ETFBKMT: variants seen among roughly 807,000 people sequenced by gnomAD.
The protein encoded by ETFBKMT is electron transfer flavoprotein beta subunit lysine methyltransferase.
A neutral mutation model predicts 18.3 loss-of-function variants in ETFBKMT; 13 were observed. The ratio of observed to expected loss-of-function variants is 0.71; its 90% CI spans 0.46 to 1.13. The LOEUF (loss-of-function observed/expected upper bound fraction) is 1.13. Among genes scored for constraint, ETFBKMT ranks in the 50% most tolerant of loss-of-function variants. The probability of loss-of-function intolerance (pLI) is 0.00; values close to 1 mark genes in which losing one functional copy is unlikely to be tolerated. For missense variants in ETFBKMT, 293 were observed against 306.2 expected (o/e 0.96, Z 0.32); for synonymous variants, 84 against 107.9 (o/e 0.78, Z 1.37).
At chr12:31,658,998 C>T (rs760437948), upstream of ETFBKMT, among the ~76,000 whole-genome samples, 5 of 148,468 alleles carry the variant, frequency 3.4e-5, no homozygotes, top group Non-Finnish European at 5.9e-5. Flanking sequence ...CCTGGAAGTG[C>T]GACTGGCACA....
Position 31,661,944 on chromosome 12 carries a change from G to A in ETFBKMT, c.-10G>A. On this transcript the variant is annotated 5_prime_UTR_variant, in exon 2 of 4. Coordinates refer to ENST00000357721, the MANE Select transcript of ETFBKMT (RefSeq NM_001135863.2). ...AACATTGACAGAACCTGTGTTTGGG[G>A]AAAGGACTGATGGCTTTGAGTCTAG... 6.2e-7 allele frequency: 1 copy of A among 1,611,372 alleles called. No homozygotes were observed.
intron 3 of ETFBKMT, among the ~76,000 whole-genome samples, chr12:31,666,436 T>C (rs2139629601): frequency 6.6e-6 from 1 of 152,214 alleles, no homozygotes; most frequent in South Asian, 2.1e-4. Flanking sequence ...ACATCCAGAG[T>C]AAGCACTTAT....
At chr12:31,663,274 G>A (rs1951151238) in intron 2 of ETFBKMT, among the ~76,000 whole-genome samples, 1 of 152,082 alleles carries the variant, frequency 6.6e-6, no homozygotes, top group East Asian at 1.9e-4. Flanking sequence ...TGTATTTTTA[G>A]TAGAGATGGG....
chr12:31,649,387 T>C (rs1237617786), intron 1 of ETFBKMT, among the ~76,000 whole-genome samples: 1 of 152,238 alleles, frequency 6.6e-6, no homozygotes, highest in Admixed American at 6.5e-5. Flanking sequence ...CACAAAGGAC[T>C]GCATATGATT....
At chr12:31,666,999 CTTTT>C (rs1212726747) in intron 3 of ETFBKMT, among the ~76,000 whole-genome samples, 1 of 135,030 alleles carries the variant, frequency 7.4e-6, no homozygotes. Context: ...CTTTTTTTTT[CTTTT>C]TTTTTTTTTG....
At chr12:31,663,787 G>A (rs926737246) in intron 2 of ETFBKMT, among the ~76,000 whole-genome samples, 4 of 151,996 alleles carry the variant, frequency 2.6e-5, no homozygotes, top group South Asian at 2.1e-4. Flanking sequence ...TTTGTTTTTC[G>A]TAAGTGAATT....
chr12:31,652,322 C>T (rs909703337), intron 1 of ETFBKMT, among the ~76,000 whole-genome samples: 2 of 152,116 alleles, frequency 1.3e-5, no homozygotes, highest in Non-Finnish European at 2.9e-5. Context: ...ATTTTCCTGG[C>T]GCCTGACGAC....
rs1481644678 is a variant in ETFBKMT, at chr12:31,667,692, A to C, written c.491A>C (p.Asn164Thr). ...ITLNCELNRL[N>T]PFPILIQNIL... Reference sequence around the variant, plus strand: ...CTAAATTGTGAATTGAACAGACTGAATCCTTTTCCTATTTTAATCCAAAAC... The same window carrying C: ...CTAAATTGTGAATTGAACAGACTGACTCCTTTTCCTATTTTAATCCAAAAC... Residue 164 changes from asparagine to threonine, a missense_variant, in exon 4 of 4, where the codon AAT (asparagine) becomes ACT (threonine). Physicochemically the swap from Asn to Thr is moderately conservative, Grantham distance 65. Transcript: ENST00000357721. 6.2e-7 allele frequency: 1 copy of C among 1,614,014 alleles called. No individual in the cohort carries two copies. The highest frequency in any genetic ancestry group is 1.7e-5 in the Admixed American group (1 of 59,994).
chr12:31,671,332 C>T lies in ETFBKMT; in HGVS notation c.*3342C>T, dbSNP rs566089868. On this transcript the variant is annotated 3_prime_UTR_variant, in exon 4 of 4. Transcript: ENST00000357721. ...ACAAGAAATGGAGTTGAATAAGTAC[C>T]CCCCAACATATACAAGAAAGTTAGC... is the stretch of plus-strand genomic sequence containing the variant. The T allele has an allele frequency of 2.6e-5, 4 of 152,102 alleles. No homozygotes were observed. The highest frequency in any genetic ancestry group is 9.6e-5 in the African/African-American group (4 of 41,466). 9.4% of individuals were successfully genotyped at this position (152,102 alleles called of 1,614,324 possible). A position where few individuals can be genotyped will look rare whatever the true frequency, so the allele number is the denominator to read the frequency against.
At chr12:31,654,769 G>C (rs886600792), upstream of ETFBKMT, among the ~76,000 whole-genome samples, 59 of 152,114 alleles carry the variant, frequency 3.9e-4, no homozygotes, top group African/African-American at 1.4e-3. Flanking sequence ...GAAGGGAGAA[G>C]GACTGGACGG....
intron 1 of ETFBKMT, chr12:31,660,023 C>G (rs898313728): frequency 6.7e-6 from 1 of 149,816 alleles, no homozygotes; most frequent in Non-Finnish European, 1.5e-5. Context: ...AAAAATTAGC[C>G]GGGCGTGGTG....
chr12:31,649,700 G>C, intron 1 of ETFBKMT, among the ~76,000 whole-genome samples: 1 of 151,470 alleles, frequency 6.6e-6, no homozygotes, highest in East Asian at 1.9e-4. Context: ...TGTTTCTATT[G>C]TAATTGTTTT....
intron 1 of ETFBKMT, 65 bp from the exon 2 acceptor site, chr12:31,661,776 T>C (rs1951127423): frequency 3.1e-6 from 2 of 635,250 alleles, no homozygotes; most frequent in Admixed American, 5.9e-5. Context: ...TCTTATTATG[T>C]AATAGGATCT....
intron 1 of ETFBKMT, among the ~76,000 whole-genome samples, chr12:31,661,245 A>G (rs1344071573): frequency 6.6e-6 from 1 of 152,214 alleles, no homozygotes; most frequent in Admixed American, 6.5e-5. Context: ...TCACTTGAGG[A>G]TACTGAAGGA....
At chr12:31,662,387 CT>C (rs1271363190) in intron 2 of ETFBKMT, 120 bp downstream of exon 2, 5 of 856,568 alleles carry the variant, frequency 5.8e-6, no homozygotes, top group Non-Finnish European at 8.8e-6. Flanking sequence ...AGTCTCAGTA[CT>C]TTGGGAGGCT....
intron 1 of ETFBKMT, among the ~76,000 whole-genome samples, chr12:31,648,164 T>G (rs1044342527): frequency 6.6e-6 from 1 of 152,210 alleles, no homozygotes; most frequent in African/African-American, 2.4e-5. Context: ...GTACTGAATA[T>G]TCACATAATG....
rs1951222641 is a variant in ETFBKMT at position 31,668,172 on chromosome 12, T to C, written c.*182T>C. 6 of 570,448 alleles carry C rather than the reference T, an allele frequency of 1.1e-5. No individual in the cohort carries two copies. Among genetic ancestry groups the C allele is most frequent in the Non-Finnish European group, 1.8e-5 (6 of 330,488 alleles). 35.3% of individuals were successfully genotyped at this position (570,448 alleles called of 1,614,324 possible). On this transcript the variant is annotated 3_prime_UTR_variant, in exon 4 of 4. Transcript: ENST00000357721. Reference sequence around the variant, plus strand: ...TGTCATGTAACTGGTTCTGTATTTCTATGCATGCCAATTATACACATCTCT... The same window carrying C: ...TGTCATGTAACTGGTTCTGTATTTCCATGCATGCCAATTATACACATCTCT...
Position 31,667,784 on chromosome 12 carries a change from C to G in ETFBKMT, c.583C>G (p.Leu195Val), listed in dbSNP as rs11051523. The G allele has an allele frequency of 3.5e-3, 5,630 of 1,614,018 alleles. 16 individuals carry two copies. Among genetic ancestry groups the G allele is most frequent in the Non-Finnish European group, 4.1e-3 (4,842 of 1,179,932 alleles). The change falls in exon 4 of 4, where the codon CTT (leucine) becomes GTT (valine). Residue 195 changes from leucine to valine, a missense_variant. Coordinates refer to ENST00000357721, the MANE Select transcript of ETFBKMT (RefSeq NM_001135863.2). ...TGGCGATATGTTTTATGATGAAGAC[C>G]TTGCAGATAGTCTTCATCAGTGGCT... ...VLGDMFYDED[L>V]ADSLHQWLKK...
At chr12:31,656,174 T>G (rs955121817), upstream of ETFBKMT, among the ~76,000 whole-genome samples, 7 of 152,144 alleles carry the variant, frequency 4.6e-5, no homozygotes, top group Non-Finnish European at 8.8e-5. Context: ...TTGTTGTACA[T>G]GCCCATAGGA....
Sources: gnomAD v4.1 joint callset for allele counts (sites outside exome capture counted in the v4.1 genomes callset) on GRCh38, gnomAD v4.1.1 for gene constraint, MANE v1.5 for transcripts, NCBI Gene and HGNC (gene_info 2026-07-23, HGNC 2026-07-21) for gene names.